Variants in WDFY3 observed in about 807,000 individuals in gnomAD.
WDFY3 encodes the protein WD repeat and FYVE domain-containing protein 3.
In WDFY3, 66 loss-of-function variants were observed where a neutral mutation model predicts 409.6. The observed-to-expected ratio is 0.16, with a 90% CI of 0.13 to 0.20. The LOEUF is 0.20. Among genes scored for constraint, WDFY3 ranks in the 10% least tolerant of loss-of-function variants. The pLI is 1.00. For missense variants in WDFY3, 3,031 were observed against 4,298.1 expected (o/e 0.71, Z 8.24); for synonymous variants, 1,521 against 1,537.1 (o/e 0.99, Z 0.25).
At chr4:84,781,387 C>CTTT (rs200260886) in intron 25 of WDFY3, among the ~76,000 whole-genome samples, 15 of 145,130 alleles carry the variant, frequency 1.0e-4, no homozygotes, top group African/African-American at 2.4e-4. Context: ...CCTTCTTTCC[C>CTTT]TTTTGTTTTT....
chr4:84,918,440 C>T (rs1303047646), intron 2 of WDFY3, among the ~76,000 whole-genome samples: 11 of 151,920 alleles, frequency 7.2e-5, no homozygotes, highest in Admixed American at 7.2e-4. Context: ...CTTACACAGA[C>T]AATATGCTAT....
At chr4:84,695,549 GA>G (rs1729995011) in intron 58 of WDFY3, among the ~76,000 whole-genome samples, 4 of 147,416 alleles carry the variant, frequency 2.7e-5, no homozygotes, top group African/African-American at 1.0e-4. Flanking sequence ...GAGAGAGAGA[GA>G]GAGGCACGCA....
intron 3 of WDFY3, among the ~76,000 whole-genome samples, chr4:84,885,916 G>T (rs1402074045): frequency 1.3e-5 from 2 of 152,100 alleles, no homozygotes; most frequent in Non-Finnish European, 2.9e-5. Context: ...TTTTTTGGAA[G>T]CTACTTAAGT....
At chr4:84,926,043 GTC>G (rs1297079369) in intron 2 of WDFY3, among the ~76,000 whole-genome samples, 2 of 149,852 alleles carry the variant, frequency 1.3e-5, no homozygotes, top group African/African-American at 4.9e-5. Flanking sequence ...TTGAAATGGA[GTC>G]TCTCTCTGTC....
At chr4:84,947,388 T>C (rs1194979040) in intron 1 of WDFY3, among the ~76,000 whole-genome samples, 1 of 150,982 alleles carries the variant, frequency 6.6e-6, no homozygotes, top group Non-Finnish European at 1.5e-5. Flanking sequence ...GGCACGGGCC[T>C]GTAGTCCCAG....
Position 84,801,832 on chromosome 4 carries a change from A to G in WDFY3, c.2640T>C (p.Asn880=). The change falls in exon 17 of 68, where the codon AAT becomes AAC. Residue 880 remains asparagine, a synonymous_variant. Transcript: ENST00000295888. ...CTGTGTGCACCAGGGATTGTAAAAT[A>G]TTTGCCACGGCAAGTTGAAGATCCA... The part of the protein sequence containing the change: ...HALDLQLAVA[N]ILQSLVHTER... 6.2e-7 allele frequency: 1 copy of G among 1,614,140 alleles called. No homozygotes were observed. Among genetic ancestry groups the G allele is most frequent in the Non-Finnish European group, 8.5e-7 (1 of 1,179,990 alleles).
Position 84,721,524 on chromosome 4 carries a change from C to A in WDFY3, c.7490G>T (p.Gly2497Val). Reference protein sequence around the residue: ...LKRSRSAPDGGDEENQEQLQD... With the variant: ...LKRSRSAPDGVDEENQEQLQD... ...TAGCTGCTCCTGGTTCTCCTCATCTCCTCCATCAGGTGCAGATCGGGAGCG... is the reference window on the plus strand; with the variant it reads ...TAGCTGCTCCTGGTTCTCCTCATCTACTCCATCAGGTGCAGATCGGGAGCG... The change falls in exon 47 of 68, where the codon GGA becomes GTA. Residue 2497 changes from glycine (G) to valine (V), a missense_variant. Physicochemically the swap from Gly to Val is moderately radical, Grantham distance 109. This residue lies in a region of WDFY3 where 127 missense variants were observed against 144.4 expected (regional missense o/e 0.88). Transcript: ENST00000295888. The A allele has an allele frequency of 6.2e-7, 1 of 1,611,510 alleles. No individual in the cohort carries two copies. Among genetic ancestry groups the A allele is most frequent in the Non-Finnish European group, 8.5e-7 (1 of 1,180,006 alleles).
At position 84,765,727 on chromosome 4, in the gene WDFY3, C is replaced by T. The variant is rs942909989; in HGVS notation, c.5188+83G>A. 9.4e-6 allele frequency: 11 copies of T among 1,169,866 alleles called. No individual in the cohort carries two copies. In the East Asian group the frequency reaches 2.7e-4, roughly 29 times the overall value. 72.5% of individuals were successfully genotyped at this position (1,169,866 alleles called of 1,614,324 possible). On this transcript the variant is annotated intron_variant, in intron 32 of 67. Coordinates refer to ENST00000295888, the MANE Select transcript of WDFY3 (RefSeq NM_014991.6). ...TATCTCCTTAATGGTGATCAAACCG[C>T]AGAGGATAAGTTTACATAAAATTTA...
chr4:84,684,000 C>T lies in WDFY3; in HGVS notation c.9669G>A (p.Met3223Ile), dbSNP rs891876523. The change falls in exon 63 of 68, where the codon ATG (methionine) becomes ATA (isoleucine). Residue 3223 changes from methionine to isoleucine, a missense_variant. By Grantham distance (10) the Met-to-Ile change is conservative. This residue lies in a region of WDFY3 where 378 missense variants were observed against 477.3 expected (regional missense o/e 0.79). Coordinates refer to ENST00000295888, the MANE Select transcript of WDFY3 (RefSeq NM_014991.6). Reference sequence around the variant, plus strand: ...TGACGTTCTGCGTGTCCCATTCGTTCATCTCCGACATGCAGCAGCAGATGA... The same window carrying T: ...TGACGTTCTGCGTGTCCCATTCGTTTATCTCCGACATGCAGCAGCAGATGA... ...QQIICCCMSE[M>I]NEWDTQNVIV... 9.9e-6 allele frequency: 16 copies of T among 1,613,412 alleles called. No homozygotes were observed. The highest frequency in any genetic ancestry group is 1.3e-5 in the African/African-American group (1 of 74,920).
At chr4:84,948,952 A>G (rs1353511358) in intron 1 of WDFY3, among the ~76,000 whole-genome samples, 1 of 152,030 alleles carries the variant, frequency 6.6e-6, no homozygotes. Flanking sequence ...TTCAGATTCC[A>G]TATGCTTCTT....
At chr4:84,843,337 CTT>C in intron 5 of WDFY3, among the ~76,000 whole-genome samples, 1 of 152,236 alleles carries the variant, frequency 6.6e-6, no homozygotes, top group Admixed American at 6.5e-5. Flanking sequence ...AAAAAAATAA[CTT>C]TTATTTTCAC....
chr4:84,907,026 A>C (rs532918524), intron 2 of WDFY3, among the ~76,000 whole-genome samples: 1 of 152,164 alleles, frequency 6.6e-6, no homozygotes, highest in African/African-American at 2.4e-5. Flanking sequence ...TTTTCTGTCC[A>C]TGGTTGGTTG....
intron 3 of WDFY3, among the ~76,000 whole-genome samples, chr4:84,894,254 G>A (rs1281684082): frequency 6.6e-6 from 1 of 152,204 alleles, no homozygotes; most frequent in African/African-American, 2.4e-5. Context: ...TGGTTATGTT[G>A]ATAAAAGCTT....
At chr4:84,804,396 C>T (rs776126685) in intron 15 of WDFY3, among the ~76,000 whole-genome samples, 13 of 152,080 alleles carry the variant, frequency 8.5e-5, no homozygotes, top group Non-Finnish European at 1.6e-4. Flanking sequence ...AGATGCTTTA[C>T]GTCACTGATT....
At chr4:84,891,347 T>C (rs537917018) in intron 3 of WDFY3, among the ~76,000 whole-genome samples, 78 of 152,316 alleles carry the variant, frequency 5.1e-4, no homozygotes, top group Admixed American at 2.0e-3. Flanking sequence ...GCTACATATA[T>C]ATAAGCACTT....
chr4:84,770,458 T>C (rs1251588716), intron 30 of WDFY3, among the ~76,000 whole-genome samples: 1 of 152,220 alleles, frequency 6.6e-6, no homozygotes, highest in Non-Finnish European at 1.5e-5. Flanking sequence ...TGATGTTAGC[T>C]TCATTTGCAG....
chr4:84,901,206 C>T (rs1252155690), intron 2 of WDFY3, among the ~76,000 whole-genome samples: 1 of 152,188 alleles, frequency 6.6e-6, no homozygotes, highest in Non-Finnish European at 1.5e-5. Context: ...CCTCTTAATG[C>T]CATCTGCTAT....
At chr4:84,840,947 T>C (rs1392715068) in intron 6 of WDFY3, among the ~76,000 whole-genome samples, 1 of 152,140 alleles carries the variant, frequency 6.6e-6, no homozygotes, top group African/African-American at 2.4e-5. Context: ...AAGCCATGCG[T>C]TTCCTTATGA....
At chr4:84,700,340 A>G (rs554957090) in intron 56 of WDFY3, among the ~76,000 whole-genome samples, 169 of 152,218 alleles carry the variant, frequency 1.1e-3, no homozygotes, top group African/African-American at 4.0e-3. Flanking sequence ...AGTAGCTGGG[A>G]CTACAGGTGC....
Sources: gnomAD v4.1 joint callset for allele counts (sites outside exome capture counted in the v4.1 genomes callset) on GRCh38, gnomAD v4.1.1 for gene constraint, gnomAD v4.1.1 regional missense constraint, MANE v1.5 for transcripts, NCBI Gene and HGNC (gene_info 2026-07-23, HGNC 2026-07-21) for gene names.